PTPRM: variants seen among roughly 807,000 people sequenced by gnomAD.
The protein encoded by PTPRM is receptor-type tyrosine-protein phosphatase mu.
A neutral mutation model predicts 186.7 loss-of-function variants in PTPRM; 47 were observed. The ratio of observed to expected loss-of-function variants is 0.25; its 90% CI spans 0.20 to 0.32. PTPRM has a LOEUF of 0.32. Among genes scored for constraint, PTPRM ranks in the 10% least tolerant of loss-of-function variants. PTPRM has a pLI of 1.00. For missense variants in PTPRM, 1,494 were observed against 1,865.0 expected (o/e 0.80, Z 3.66); for synonymous variants, 668 against 674.9 (o/e 0.99, Z 0.16).
At chr18:8,046,681 A>G (rs772014079) in intron 7 of PTPRM, among the ~76,000 whole-genome samples, 2 of 152,118 alleles carry the variant, frequency 1.3e-5, no homozygotes, top group Non-Finnish European at 2.9e-5. Context: ...CCATGACATC[A>G]TTTATTCTCC....
At chr18:7,909,476 T>G (rs1041377214) in intron 4 of PTPRM, among the ~76,000 whole-genome samples, 1 of 152,180 alleles carries the variant, frequency 6.6e-6, no homozygotes, top group Non-Finnish European at 1.5e-5. Context: ...TTCCTGAATC[T>G]CTAAGTTAAT....
chr18:8,190,604 A>G (rs1032306495), intron 14 of PTPRM, among the ~76,000 whole-genome samples: 6 of 152,196 alleles, frequency 3.9e-5, no homozygotes, highest in African/African-American at 1.2e-4. Context: ...TAAATATTGT[A>G]TGTTTTATTT....
At chr18:7,727,579 C>A (rs1012568223) in intron 1 of PTPRM, among the ~76,000 whole-genome samples, 4 of 152,080 alleles carry the variant, frequency 2.6e-5, no homozygotes, top group Admixed American at 1.3e-4. Flanking sequence ...AAGCCAATGG[C>A]ATGTCAAATT....
At chr18:7,721,579 C>G (rs1420873519) in intron 1 of PTPRM, among the ~76,000 whole-genome samples, 1 of 152,032 alleles carries the variant, frequency 6.6e-6, no homozygotes, top group Non-Finnish European at 1.5e-5. Context: ...ACAGTTTCAC[C>G]TCTTTCATTT....
At chr18:8,000,710 A>G (rs1004284870) in intron 7 of PTPRM, among the ~76,000 whole-genome samples, 7 of 152,338 alleles carry the variant, frequency 4.6e-5, no homozygotes, top group Middle Eastern at 3.4e-3. Flanking sequence ...GTTACACCTT[A>G]TGGTGACCGC....
chr18:7,889,516 T>G (rs927258759), intron 3 of PTPRM, among the ~76,000 whole-genome samples: 2 of 151,996 alleles, frequency 1.3e-5, no homozygotes, highest in Admixed American at 6.6e-5. Flanking sequence ...TTTATATTTT[T>G]TTTGTAGAGA....
intron 20 of PTPRM, among the ~76,000 whole-genome samples, chr18:8,306,042 C>T (rs888501926): frequency 2.6e-5 from 4 of 151,906 alleles, no homozygotes; most frequent in African/African-American, 7.3e-5. Context: ...GGATTACAGG[C>T]GCGCATCACC....
chr18:8,296,420 A>G lies in PTPRM; in HGVS notation c.2807A>G (p.Asn936Ser). Residue 936 changes from asparagine to serine, a missense_variant, in exon 20 of 33, where the codon AAC (asparagine) becomes AGC (serine). Asn to Ser is a conservative substitution (Grantham distance 46). This residue lies in a region of PTPRM where 1,107 missense variants were observed against 1,350.2 expected (regional missense o/e 0.82). Transcript: ENST00000580170. ...TGGGACTCGGCTAAGAAAGATGAGA[A>G]CAGAATGAAGAACAGATACGGGAAT... ...APWDSAKKDENRMKNRYGNII... is the reference protein window; with the variant it reads ...APWDSAKKDESRMKNRYGNII... 1 of 1,611,380 alleles carries G rather than the reference A, an allele frequency of 6.2e-7. No homozygotes were observed.
At chr18:8,000,128 C>T (rs1385672408) in intron 7 of PTPRM, among the ~76,000 whole-genome samples, 1 of 152,208 alleles carries the variant, frequency 6.6e-6, no homozygotes, top group African/African-American at 2.4e-5. Context: ...ATCTGCTTTG[C>T]TCAGTAACGT....
intron 31 of PTPRM, among the ~76,000 whole-genome samples, chr18:8,390,524 A>G (rs911593002): frequency 5.9e-5 from 9 of 152,210 alleles, no homozygotes; most frequent in Admixed American, 6.5e-5. Flanking sequence ...TGTCTGACAA[A>G]GGACTCGGCC....
intron 1 of PTPRM, among the ~76,000 whole-genome samples, chr18:7,666,370 C>T (rs373263377): frequency 1.7e-4 from 26 of 152,308 alleles, no homozygotes; most frequent in African/African-American, 6.0e-4. Flanking sequence ...ACTAATAACA[C>T]TCCTGTCCAT....
At chr18:8,313,584 TA>T (rs1003772182) in intron 20 of PTPRM, among the ~76,000 whole-genome samples, 162 of 152,000 alleles carry the variant, frequency 1.1e-3, no homozygotes, top group Non-Finnish European at 1.3e-3. Flanking sequence ...TTTTTTTTTT[TA>T]ATTTTTAGTT....
At chr18:8,363,123 C>A (rs569529200) in intron 23 of PTPRM, among the ~76,000 whole-genome samples, 1 of 152,304 alleles carries the variant, frequency 6.6e-6, no homozygotes, top group South Asian at 2.1e-4. Flanking sequence ...CACCACAGCC[C>A]GGAGCTAAGC....
At chr18:7,604,879 T>C (rs2037492319) in intron 1 of PTPRM, among the ~76,000 whole-genome samples, 1 of 152,226 alleles carries the variant, frequency 6.6e-6, no homozygotes, top group Non-Finnish European at 1.5e-5. Flanking sequence ...ATAAAATAGT[T>C]CTAATATGCT....
chr18:7,990,457 T>G (rs915021960), intron 7 of PTPRM, among the ~76,000 whole-genome samples: 8 of 152,328 alleles, frequency 5.3e-5, no homozygotes, highest in African/African-American at 1.7e-4. Context: ...TGCTGTGTAC[T>G]AAATGGTTTC....
intron 7 of PTPRM, among the ~76,000 whole-genome samples, chr18:7,977,757 A>G (rs944212161): frequency 2.6e-5 from 3 of 116,496 alleles, no homozygotes; most frequent in African/African-American, 7.2e-5. Context: ...CACAAAGCTC[A>G]TGTTGCTTTG....
At chr18:7,984,336 T>A (rs2082716476) in intron 7 of PTPRM, among the ~76,000 whole-genome samples, 2 of 151,646 alleles carry the variant, frequency 1.3e-5, no homozygotes, top group African/African-American at 4.8e-5. Context: ...TTCAAAGAGG[T>A]TAAATGGTAT....
intron 14 of PTPRM, among the ~76,000 whole-genome samples, chr18:8,190,475 A>C (rs539718099): frequency 6.6e-6 from 1 of 152,366 alleles, no homozygotes; most frequent in South Asian, 2.1e-4. Flanking sequence ...TTTGTAAATG[A>C]TAGCACAGTT....
At chr18:7,656,491 A>C (rs975448020) in intron 1 of PTPRM, among the ~76,000 whole-genome samples, 2 of 152,084 alleles carry the variant, frequency 1.3e-5, no homozygotes, top group African/African-American at 4.8e-5. Context: ...GGGGATGAAA[A>C]GAGTTCTGGT....
Sources: allele counts gnomAD v4.1 joint callset (sites outside exome capture counted in the v4.1 genomes callset), GRCh38; gene constraint gnomAD v4.1.1; regional missense constraint gnomAD v4.1.1; transcripts MANE v1.5; gene names NCBI Gene and HGNC (gene_info 2026-07-23, HGNC 2026-07-21).